ZNF592: variants seen among roughly 807,000 people sequenced by gnomAD.
ZNF592 encodes the protein spinocerebellar ataxia, autosomal recessive 5.
Under a neutral mutation model 80.3 loss-of-function variants are expected in ZNF592, and 11 were observed. That is an observed-to-expected ratio of 0.14 (90% CI 0.09 to 0.23). ZNF592 has a LOEUF of 0.23. ZNF592 is among the 10% of genes least tolerant of loss of function. The pLI is 1.00. For missense variants in ZNF592, 1,420 were observed against 1,633.9 expected (o/e 0.87, Z 2.26); for synonymous variants, 646 against 640.3 (o/e 1.01, Z -0.13).
At chr15:84,800,399 A>G (rs547783770) in intron 10 of ZNF592, among the ~76,000 whole-genome samples, 2 of 152,312 alleles carry the variant, frequency 1.3e-5, no homozygotes, top group Non-Finnish European at 2.9e-5. Flanking sequence ...AGCCAGGCCT[A>G]GAACCTTCTA....
Position 84,783,713 on chromosome 15 carries a change from G to A in ZNF592, c.1038G>A (p.Ser346=), listed in dbSNP as rs771968057. ...CCACTAGAAAAAGTATCAAGCCATC[G>A]GACAGCCCTCGTAGCATCTGCAGTG... ...LEATRKSIKP[S]DSPRSICSDS... is the part of the protein sequence containing the mutation. Residue 346 remains serine, a synonymous_variant, in exon 4 of 11, where the codon TCG becomes TCA. Transcript: ENST00000560079. The surrounding 1 kb of genome is among the most constrained non-coding windows in gnomAD (Gnocchi z 5.0). The A allele has an allele frequency of 1.2e-5, 19 of 1,614,124 alleles. No homozygotes were observed. The highest frequency in any genetic ancestry group is 2.2e-5 in the East Asian group (1 of 44,896).
In ZNF592 at chr15:84,800,036, G is replaced by A. The variant is rs1008432130; in HGVS notation, c.3273+59G>A. 30 of 1,612,762 alleles carry A rather than the reference G, an allele frequency of 1.9e-5. 1 individual carries two copies. In the African/African-American group the frequency reaches 3.5e-4, roughly 19 times the overall value. ...TGCTCAGTGAGGCTTGGAGCTGGAA[G>A]GGCATTAGGAAGGCTACTGTTGTGG... On this transcript the variant is annotated intron_variant, in intron 10 of 10. Transcript: ENST00000560079.
chr15:84,770,424 AAGCAAAAGGG>A (rs561253240), intron 2 of ZNF592, among the ~76,000 whole-genome samples: 413 of 152,286 alleles, frequency 2.7e-3, no homozygotes, highest in Non-Finnish European at 4.9e-3. Context: ...AGAATAAATA[AAGCAAAAGGG>A]AGCAAAAGGG....
chr15:84,791,007 C>A, intron 5 of ZNF592, 124 bp downstream of exon 5: 1 of 1,069,748 alleles, frequency 9.3e-7, no homozygotes, highest in Non-Finnish European at 1.4e-6. Flanking sequence ...AGGACAAGAG[C>A]ATTGGATGGT....
intron 1 of ZNF592, among the ~76,000 whole-genome samples, chr15:84,759,954 T>TCCC (rs759072074): frequency 2.0e-4 from 10 of 49,706 alleles, no homozygotes; most frequent in African/African-American, 8.7e-4. Flanking sequence ...TTGGGGAGAT[T>TCCC]CCCCCCCCCC....
At chr15:84,760,699 A>T (rs1030349632) in intron 1 of ZNF592, among the ~76,000 whole-genome samples, 1 of 152,108 alleles carries the variant, frequency 6.6e-6, no homozygotes, top group African/African-American at 2.4e-5. Flanking sequence ...GGAGTAGGAG[A>T]GAAGGAGTGT....
chr15:84,798,084 G>T lies in ZNF592; in HGVS notation c.2576+39G>T. 1 of 1,609,788 alleles carries T rather than the reference G, an allele frequency of 6.2e-7. No individual in the cohort carries two copies. Among genetic ancestry groups the T allele is most frequent in the Non-Finnish European group, 8.5e-7 (1 of 1,178,764 alleles). ...CAGGGCCAGCAGGCCCTGTGGAGCAGAGAGGAGTAGCCTGGGTGCTGTAGG... is the reference window on the plus strand; with the variant it reads ...CAGGGCCAGCAGGCCCTGTGGAGCATAGAGGAGTAGCCTGGGTGCTGTAGG... On this transcript the variant is annotated intron_variant, in intron 6 of 10. Coordinates refer to ENST00000560079, the MANE Select transcript of ZNF592 (RefSeq NM_014630.3). This position sits in a 1 kb window ranked among gnomAD's most constrained non-coding sequence, Gnocchi z 4.5.
intron 2 of ZNF592, among the ~76,000 whole-genome samples, chr15:84,770,194 A>C (rs558038636): frequency 2.0e-5 from 3 of 152,338 alleles, no homozygotes; most frequent in African/African-American, 7.2e-5. Context: ...TGGCATTGTC[A>C]TTTACTGAAA....
In ZNF592 at chr15:84,781,240, G is replaced by A. The variant is rs140486069; in HGVS notation, c.-19-1417G>A. On this transcript the variant is annotated intron_variant, in intron 3 of 10. Coordinates refer to ENST00000560079, the MANE Select transcript of ZNF592 (RefSeq NM_014630.3). ...TTTTTGTATTTTTAGTAGAGATGGG[G>A]TTTCATCATGTTGGCCAGGCTGGTC... Among the ~76,000 whole-genome samples the A allele has an allele frequency of 6.9e-3, 1,041 of 151,948 alleles. 12 individuals are homozygous for A. The highest frequency in any genetic ancestry group is 0.024 in the African/African-American group (985 of 41,396).
chr15:84,784,615 A>G lies in ZNF592; in HGVS notation c.1940A>G (p.Gln647Arg), dbSNP rs1307102572. ...RDHKSKGLVM[Q>R]CSQLLVKPIS... ...CACAAGAGCAAGGGGCTCGTCATGC[A>G]GTGTTCCCAGCTGCTGGTGAAGCCT... is the stretch of plus-strand genomic sequence containing the variant. Residue 647 changes from glutamine (Q) to arginine (R), a missense_variant, in exon 4 of 11, where the codon CAG (glutamine) becomes CGG (arginine). Transcript: ENST00000560079. This position sits in a 1 kb window ranked among gnomAD's most constrained non-coding sequence, Gnocchi z 5.8. The G allele has an allele frequency of 6.2e-7, 1 of 1,614,012 alleles. No homozygotes were observed. The highest frequency in any genetic ancestry group is 1.3e-5 in the African/African-American group (1 of 74,894).
chr15:84,779,745 A>G (rs979090134), intron 3 of ZNF592, among the ~76,000 whole-genome samples: 1 of 152,090 alleles, frequency 6.6e-6, no homozygotes, highest in Non-Finnish European at 1.5e-5. Flanking sequence ...TACTTACTTT[A>G]CTTCTGACCA....
Position 84,799,342 on chromosome 15 carries a change from T to C in ZNF592, c.3137+132T>C. On this transcript the variant is annotated intron_variant, in intron 9 of 10. Transcript: ENST00000560079. This position sits in a 1 kb window ranked among gnomAD's most constrained non-coding sequence, Gnocchi z 4.2. ...ACAAGTGATTTCCAACTGGAAGAAATTGCGGCTAAGTCAGAAATCAGGGGC... is the reference window on the plus strand; with the variant it reads ...ACAAGTGATTTCCAACTGGAAGAAACTGCGGCTAAGTCAGAAATCAGGGGC... 1 of 1,006,798 alleles carries C rather than the reference T, an allele frequency of 9.9e-7. No individual in the cohort carries two copies. The highest frequency in any genetic ancestry group is 1.5e-6 in the Non-Finnish European group (1 of 647,644). 62.4% of individuals were successfully genotyped at this position (1,006,798 alleles called of 1,614,324 possible).
Position 84,797,878 on chromosome 15 carries a change from C to T in ZNF592, c.2409C>T (p.His803=), listed in dbSNP as rs900759876. ...CCCCACTTCTGTCTAGGTGCATCCA[C>T]TGTGGTGTCGTCCACCTGACCTTGG... ...YARKVGYRCI[H]CGVVHLTLAL... The change falls in exon 6 of 11, where the codon CAC becomes CAT. Residue 803 remains histidine, a synonymous_variant. Transcript: ENST00000560079. 1 of 1,614,114 alleles carries T rather than the reference C, an allele frequency of 6.2e-7. No homozygotes were observed. Among genetic ancestry groups the T allele is most frequent in the African/African-American group, 1.3e-5 (1 of 74,938 alleles).
At chr15:84,770,166 C>T (rs1353487826) in intron 2 of ZNF592, among the ~76,000 whole-genome samples, 2 of 152,066 alleles carry the variant, frequency 1.3e-5, no homozygotes, top group Admixed American at 6.6e-5. Flanking sequence ...GAGGTTTAGG[C>T]CTAAGCAGCT....
chr15:84,753,716 G>A (rs555535435), intron 1 of ZNF592, among the ~76,000 whole-genome samples: 8 of 152,266 alleles, frequency 5.3e-5, no homozygotes, highest in East Asian at 3.9e-4. Flanking sequence ...CAAATGATCC[G>A]CCTGCCTTGG....
rs1314614654 is a variant in ZNF592, at chr15:84,803,628, A to AT, written c.*1236dup. The AT allele has an allele frequency of 6.6e-6, 1 of 152,262 alleles. No homozygotes were observed. The highest frequency in any genetic ancestry group is 1.5e-5 in the Non-Finnish European group (1 of 68,050). The allele number at this position is 152,262 out of a possible 1,614,324, so 9.4% of individuals were successfully genotyped here. The stretch of plus-strand genomic sequence containing the variant: ...ATCTTTCCTTCAGTTGATTTTCAAC[A>AT]TAAGAGAACCCCTTACTGGTAAAAA... On this transcript the variant is annotated 3_prime_UTR_variant, in exon 11 of 11. Coordinates refer to ENST00000560079, the MANE Select transcript of ZNF592 (RefSeq NM_014630.3).
At chr15:84,768,765 C>T (rs1468219913) in intron 2 of ZNF592, among the ~76,000 whole-genome samples, 2 of 152,186 alleles carry the variant, frequency 1.3e-5, no homozygotes, top group East Asian at 3.8e-4. Flanking sequence ...AGGTAGACCC[C>T]TTCCCACTGG....
chr15:84,756,778 G>C (rs922204360), intron 1 of ZNF592, among the ~76,000 whole-genome samples: 1 of 152,036 alleles, frequency 6.6e-6, no homozygotes, highest in South Asian at 2.1e-4. Context: ...CATTGCCCTG[G>C]CTGGATTCGA....
intron 5 of ZNF592, among the ~76,000 whole-genome samples, chr15:84,797,390 G>C (rs1043252912): frequency 1.3e-5 from 2 of 152,182 alleles, no homozygotes; most frequent in African/African-American, 2.4e-5. Context: ...TTGCCTGACT[G>C]TATGTTTTGT....
Sources: gnomAD v4.1 joint callset for allele counts (sites outside exome capture counted in the v4.1 genomes callset) on GRCh38, gnomAD v4.1.1 for gene constraint, Gnocchi (gnomAD v3.1) non-coding constraint, MANE v1.5 for transcripts, NCBI Gene and HGNC (gene_info 2026-07-23, HGNC 2026-07-21) for gene names.